The following NRXN1 variants were observed in gnomAD, a reference collection of about 807,000 sequenced individuals.
The protein encoded by NRXN1 is neurexin-1.
Under a neutral mutation model 150.9 loss-of-function variants are expected in NRXN1, and 39 were observed. The ratio of observed to expected loss-of-function variants is 0.26; its 90% CI spans 0.20 to 0.34. NRXN1 has a LOEUF of 0.34. NRXN1 is among the 10% of genes least tolerant of loss of function. The pLI, the probability that NRXN1 is intolerant of heterozygous loss-of-function variation, is 1.00. For missense variants in NRXN1, 1,815 were observed against 1,949.9 expected (o/e 0.93, Z 1.30); for synonymous variants, 924 against 757.0 (o/e 1.22, Z -3.62).
intron 8 of NRXN1, among the ~76,000 whole-genome samples, chr2:50,591,260 G>A (rs367609586): frequency 6.6e-4 from 84 of 128,010 alleles, no homozygotes; most frequent in African/African-American, 2.7e-3. Context: ...CTGATGACTC[G>A]ACAAAGGAAA....
At chr2:50,162,574 T>C (rs3959924) in intron 18 of NRXN1, among the ~76,000 whole-genome samples, 3,041 of 152,020 alleles carry the variant, frequency 0.02, 110 homozygotes, top group African/African-American at 0.07. Flanking sequence ...ACCATAAAAG[T>C]ATGAAATAAT....
intron 5 of NRXN1, among the ~76,000 whole-genome samples, chr2:50,769,615 G>A (rs545495104): frequency 3.9e-5 from 6 of 152,122 alleles, no homozygotes; most frequent in Admixed American, 1.3e-4. Flanking sequence ...CACGGGACCC[G>A]TTGCCTGGAA....
chr2:49,995,861 TAAAAAAAAAAAAA>T (rs60974625), intron 21 of NRXN1, among the ~76,000 whole-genome samples: 1 of 66,174 alleles, frequency 1.5e-5, no homozygotes, highest in African/African-American at 5.4e-5. Context: ...TGCTGGATAG[TAAAAAAAAAAAAA>T]AAAAAAAAAG....
intron 2 of NRXN1, among the ~76,000 whole-genome samples, chr2:50,984,503 A>G (rs1354226568): frequency 1.3e-5 from 2 of 152,076 alleles, no homozygotes; most frequent in African/African-American, 4.8e-5. Context: ...CCTACTATAT[A>G]CAGGGTATTA....
intron 18 of NRXN1, among the ~76,000 whole-genome samples, chr2:50,137,011 T>C (rs933357052): frequency 6.6e-6 from 1 of 152,156 alleles, no homozygotes; most frequent in Non-Finnish European, 1.5e-5. Flanking sequence ...CACCAAAGAA[T>C]CTATAGACAG....
At chr2:50,692,130 C>G (rs2104886450) in intron 5 of NRXN1, among the ~76,000 whole-genome samples, 1 of 152,072 alleles carries the variant, frequency 6.6e-6, no homozygotes, top group Admixed American at 6.5e-5. Context: ...CTTTTATTTT[C>G]CAAGTAAGCC....
At chr2:50,118,721 G>A (rs1703426955) in intron 18 of NRXN1, among the ~76,000 whole-genome samples, 1 of 152,102 alleles carries the variant, frequency 6.6e-6, no homozygotes, top group African/African-American at 2.4e-5. Flanking sequence ...GAAATCTGGG[G>A]CGTTCCTATG....
At position 50,538,514 on chromosome 2, in the gene NRXN1, G is replaced by T; in HGVS notation, c.1882C>A (p.Pro628Thr). 6.2e-7 allele frequency: 1 copy of T among 1,605,104 alleles called. No individual in the cohort carries two copies. Among genetic ancestry groups the T allele is most frequent in the Non-Finnish European group, 8.5e-7 (1 of 1,174,102 alleles). ...AGCAGAGCAGTCCACACCTCGGTGG[G>T]GAAGACAAGGCCAGCTTTATTTTCT... is the stretch of plus-strand genomic sequence containing the variant. The part of the protein sequence containing the change: ...LPENKAGLVF[P>T]TEVWTALLNY... The change falls in exon 10 of 23, where the codon CCC (proline) becomes ACC (threonine). Residue 628 changes from proline to threonine, a missense_variant. Physicochemically the swap from Pro to Thr is conservative, Grantham distance 38 (BLOSUM62 -1). This residue lies in a region of NRXN1 where 638 missense variants were observed against 652.6 expected (regional missense o/e 0.98). Coordinates refer to ENST00000401669, the MANE Select transcript of NRXN1 (RefSeq NM_001330078.2).
At chr2:50,121,024 GTTTT>G (rs1703779842) in intron 18 of NRXN1, among the ~76,000 whole-genome samples, 1 of 152,062 alleles carries the variant, frequency 6.6e-6, no homozygotes, top group Non-Finnish European at 1.5e-5. Context: ...TATCTCGTCT[GTTTT>G]TTTGTTTATT....
chr2:50,469,927 C>A (rs894960008), intron 16 of NRXN1, among the ~76,000 whole-genome samples: 1 of 151,332 alleles, frequency 6.6e-6, no homozygotes, highest in African/African-American at 2.4e-5. Flanking sequence ...GGGTAAACAA[C>A]ACCAAACATC....
chr2:50,595,620 A>G (rs1675070762), intron 8 of NRXN1, among the ~76,000 whole-genome samples: 1 of 152,162 alleles, frequency 6.6e-6, no homozygotes, highest in Non-Finnish European at 1.5e-5. Context: ...AGATTAATAG[A>G]AACGGATCAA....
chr2:50,797,528 T>C (rs1707009607), intron 5 of NRXN1, among the ~76,000 whole-genome samples: 1 of 152,084 alleles, frequency 6.6e-6, no homozygotes, highest in Admixed American at 6.6e-5. Context: ...ATGCCAATAC[T>C]GAAAAACACG....
intron 5 of NRXN1, among the ~76,000 whole-genome samples, chr2:50,773,061 T>C (rs1397893817): frequency 6.6e-6 from 1 of 152,172 alleles, no homozygotes. Flanking sequence ...TAGATCCCAG[T>C]AACAAGCTGT....
chr2:50,651,511 T>TG lies in NRXN1; in HGVS notation c.833-27897_833-27896insC, dbSNP rs1187899606. ...TGACATGACATGACATGACATGACA[T>TG]AACATGACATAACATAACATAACAT... On this transcript the variant is annotated intron_variant, in intron 5 of 22. Transcript: ENST00000401669. Among the ~76,000 whole-genome samples, 13 of 149,206 alleles carry TG rather than the reference T, an allele frequency of 8.7e-5. 1 individual carries two copies. Among genetic ancestry groups the TG allele is most frequent in the African/African-American group, 2.0e-4 (8 of 39,058 alleles).
chr2:50,190,008 C>G (rs2061349189), intron 18 of NRXN1, among the ~76,000 whole-genome samples: 1 of 151,996 alleles, frequency 6.6e-6, no homozygotes, highest in Non-Finnish European at 1.5e-5. Flanking sequence ...TAGCAAAAGG[C>G]TGAAAGAATC....
intron 2 of NRXN1, among the ~76,000 whole-genome samples, chr2:50,931,231 T>G (rs547489804): frequency 6.6e-6 from 1 of 152,256 alleles, no homozygotes; most frequent in Non-Finnish European, 1.5e-5. Flanking sequence ...TTTCACCATT[T>G]TTTTTCATCT....
intron 5 of NRXN1, among the ~76,000 whole-genome samples, chr2:50,718,228 A>C (rs1359777724): frequency 6.6e-6 from 1 of 152,184 alleles, no homozygotes; most frequent in Non-Finnish European, 1.5e-5. Flanking sequence ...TATTTTATAC[A>C]AACACATATA....
At chr2:50,429,328 C>T (rs899671243) in intron 17 of NRXN1, among the ~76,000 whole-genome samples, 3 of 152,078 alleles carry the variant, frequency 2.0e-5, no homozygotes, top group Non-Finnish European at 4.4e-5. Context: ...GCGATCTTGG[C>T]TCACTACAAC....
intron 8 of NRXN1, among the ~76,000 whole-genome samples, chr2:50,581,787 C>A (rs1430705462): frequency 2.0e-5 from 3 of 152,054 alleles, no homozygotes; most frequent in African/African-American, 7.2e-5. Flanking sequence ...TGGAGCCAAA[C>A]CAGGTTATCT....
Sources: gnomAD v4.1 joint callset for allele counts (sites outside exome capture counted in the v4.1 genomes callset) on GRCh38, gnomAD v4.1.1 for gene constraint, gnomAD v4.1.1 regional missense constraint, MANE v1.5 for transcripts, NCBI Gene and HGNC (gene_info 2026-07-23, HGNC 2026-07-21) for gene names.